Variants in NTM observed in about 807,000 individuals in gnomAD.
The protein encoded by NTM is neurotrimin, also known as IgLON family member 2.
Under a neutral mutation model 42.1 loss-of-function variants are expected in NTM, and 13 were observed. The ratio of observed to expected loss-of-function variants is 0.31; its 90% CI spans 0.20 to 0.49. The LOEUF (loss-of-function observed/expected upper bound fraction) is 0.49, where lower values mean the gene tolerates loss of function less well. Ranked by LOEUF, NTM falls within the 20% of genes least tolerant of loss-of-function variation. NTM has a pLI of 0.99. For synonymous variants in NTM, 187 were observed against 179.2 expected, an observed-to-expected ratio of 1.04 and a Z score of -0.35; for missense variants, 373 against 452.8, an observed-to-expected ratio of 0.82 and a Z score of 1.60.
intron 2 of NTM, among the ~76,000 whole-genome samples, chr11:132,071,740 G>A (rs2057703995): frequency 6.6e-6 from 1 of 151,948 alleles, no homozygotes; most frequent in Non-Finnish European, 1.5e-5. Flanking sequence ...GTGAAAGAGA[G>A]AAAGAACATT....
rs148302533 is a variant in NTM, at chr11:131,614,821, A to G, written c.82+243933A>G. ...ATTGGAAAACATGCTTGGATTTAGA[A>G]TGTGTTCAGTTGAAAGTGAGACACT... On this transcript the variant is annotated intron_variant, in intron 1 of 8. Coordinates refer to ENST00000683400, the MANE Select transcript of NTM (RefSeq NM_001352005.2). Among the ~76,000 whole-genome samples the G allele has an allele frequency of 3.3e-3, 509 of 152,300 alleles. 5 individuals are homozygous for G. The highest frequency in any genetic ancestry group is 0.011 in the African/African-American group (471 of 41,562).
At chr11:132,081,710 C>T (rs909095753) in intron 2 of NTM, among the ~76,000 whole-genome samples, 8 of 147,248 alleles carry the variant, frequency 5.4e-5, no homozygotes, top group Admixed American at 2.7e-4. Context: ...GGCGATAGAG[C>T]GAGACTCCAT....
intron 1 of NTM, among the ~76,000 whole-genome samples, chr11:131,898,692 A>G (rs144909116): frequency 3.1e-4 from 47 of 152,326 alleles, no homozygotes; most frequent in South Asian, 2.9e-3. Context: ...GGGCAATCAA[A>G]AATAATCTTT....
chr11:132,181,818 T>A (rs2077615600), intron 3 of NTM, among the ~76,000 whole-genome samples: 1 of 152,090 alleles, frequency 6.6e-6, no homozygotes. Context: ...TTTGCATTTT[T>A]AACTATGTAT....
intron 1 of NTM, among the ~76,000 whole-genome samples, chr11:131,743,823 C>T (rs183884667): frequency 2.0e-4 from 30 of 152,328 alleles, no homozygotes; most frequent in African/African-American, 6.7e-4. Flanking sequence ...GTATCCAGTA[C>T]TTGGGAGAAG....
intron 2 of NTM, among the ~76,000 whole-genome samples, chr11:131,934,811 G>T (rs1265575404): frequency 6.6e-6 from 1 of 152,208 alleles, no homozygotes; most frequent in African/African-American, 2.4e-5. Context: ...TGTGTGTGCA[G>T]CAGCATAGAC....
At chr11:131,676,726 A>G (rs942915205) in intron 1 of NTM, among the ~76,000 whole-genome samples, 3 of 151,400 alleles carry the variant, frequency 2.0e-5, no homozygotes, top group Admixed American at 6.5e-5. Context: ...ACCTTCAAAA[A>G]TGTAATAAAA....
intron 1 of NTM, among the ~76,000 whole-genome samples, chr11:131,688,266 AG>A (rs1491169801): frequency 6.6e-6 from 1 of 152,016 alleles, no homozygotes; most frequent in Admixed American, 6.5e-5. Context: ...GACTCCAGAC[AG>A]GGGGGAAAGC....
intron 4 of NTM, among the ~76,000 whole-genome samples, chr11:132,251,539 T>A (rs1264351349): frequency 1.3e-5 from 2 of 152,228 alleles, no homozygotes; most frequent in Non-Finnish European, 2.9e-5. Context: ...CCTTATGCGA[T>A]GATGAGCCTA....
intron 1 of NTM, among the ~76,000 whole-genome samples, chr11:131,431,303 G>T (rs899056763): frequency 1.3e-5 from 2 of 152,124 alleles, no homozygotes; most frequent in Non-Finnish European, 2.9e-5. Context: ...TCTGGTGAGG[G>T]CACCGGTCCT....
intron 3 of NTM, among the ~76,000 whole-genome samples, chr11:132,151,596 T>C (rs2071922956): frequency 1.3e-5 from 2 of 152,246 alleles, no homozygotes; most frequent in African/African-American, 4.8e-5. Context: ...GTTTCTCTTT[T>C]GTCACTGGAG....
At chr11:131,660,208 T>G (rs1367235165) in intron 1 of NTM, 2 of 282,720 alleles carry the variant, frequency 7.1e-6, no homozygotes, top group Non-Finnish European at 1.5e-5. Flanking sequence ...GTTTGCATCA[T>G]GTATTGAGGC....
At chr11:132,188,072 C>T (rs968571788) in intron 3 of NTM, among the ~76,000 whole-genome samples, 1 of 152,086 alleles carries the variant, frequency 6.6e-6, no homozygotes, top group African/African-American at 2.4e-5. Context: ...TGACTTGAGA[C>T]ATCCTAGTTT....
At chr11:131,938,339 A>G (rs2059445609) in intron 2 of NTM, among the ~76,000 whole-genome samples, 1 of 152,212 alleles carries the variant, frequency 6.6e-6, no homozygotes, top group African/African-American at 2.4e-5. Context: ...AGAGCCTGAG[A>G]GGAAGCACAG....
In NTM at chr11:131,828,502, C is replaced by A. The variant is rs149418386; in HGVS notation, c.83-83062C>A. ...CCACCTTCACCATTATCACAAATAT[C>A]ACCACCATCATCATCACTACCACTA... On this transcript the variant is annotated intron_variant, in intron 1 of 8. Coordinates refer to ENST00000683400, the MANE Select transcript of NTM (RefSeq NM_001352005.2). 8.5e-3 allele frequency among the ~76,000 whole-genome samples: 1,296 copies of A among 152,124 alleles called. 19 individuals are homozygous for A. Among genetic ancestry groups the A allele is most frequent in the African/African-American group, 0.03 (1,231 of 41,506 alleles).
At chr11:131,662,254 T>C (rs777332574) in intron 1 of NTM, 1 of 152,240 alleles carries the variant, frequency 6.6e-6, no homozygotes, top group Non-Finnish European at 1.5e-5. Flanking sequence ...CTTCCCCCTC[T>C]AAATTAGGAA....
chr11:131,612,385 C>T (rs969279890), intron 1 of NTM, among the ~76,000 whole-genome samples: 1 of 152,214 alleles, frequency 6.6e-6, no homozygotes, highest in Non-Finnish European at 1.5e-5. Flanking sequence ...ATAACTAATA[C>T]GCTAGTTCCA....
intron 1 of NTM, chr11:131,773,992 C>T (rs1043791451): frequency 4.8e-5 from 47 of 983,794 alleles, no homozygotes; most frequent in Non-Finnish European, 5.6e-5. Flanking sequence ...CAATTCCTGA[C>T]ATCTTCCGTC....
At chr11:131,977,236 A>G (rs959769423) in intron 2 of NTM, among the ~76,000 whole-genome samples, 2 of 152,254 alleles carry the variant, frequency 1.3e-5, no homozygotes, top group African/African-American at 4.8e-5. Flanking sequence ...ATGGAAGGAA[A>G]ACAAAAAGCG....
Sources: gnomAD v4.1 joint callset for allele counts (sites outside exome capture counted in the v4.1 genomes callset) on GRCh38, gnomAD v4.1.1 for gene constraint, MANE v1.5 for transcripts, NCBI Gene and HGNC (gene_info 2026-07-23, HGNC 2026-07-21) for gene names.